AK7: variants seen among roughly 807,000 people sequenced by gnomAD.
AK7 encodes the protein ATP-AMP transphosphorylase 7.
AK7 carries 78 observed loss-of-function variants against 96.6 expected under a neutral mutation model. The ratio of observed to expected loss-of-function variants is 0.81; its 90% CI spans 0.67 to 0.97. The LOEUF (loss-of-function observed/expected upper bound fraction) is 0.97. Among genes scored for constraint, AK7 ranks in the 50% least tolerant of loss-of-function variants. The pLI, the probability that AK7 is intolerant of heterozygous loss-of-function variation, is 0.00. For missense variants in AK7, 855 were observed against 887.9 expected (o/e 0.96, Z 0.47); for synonymous variants, 302 against 317.2 (o/e 0.95, Z 0.51).
rs780592470 is a variant in AK7, at chr14:96,398,256, C to G, written c.287C>G (p.Thr96Arg). The G allele has an allele frequency of 2.2e-5, 36 of 1,612,754 alleles. No individual in the cohort carries two copies. Among genetic ancestry groups the G allele is most frequent in the Non-Finnish European group, 2.5e-5 (30 of 1,179,930 alleles). The stretch of plus-strand genomic sequence containing the variant: ...CCGCGGCCTGACTTTGCGGTGGAGA[C>G]GTACTCTGTAAGTCCCGGAGGCTCT... Reference protein sequence around the residue: ...DSPRPDFAVETYSAISREDLL... With the variant: ...DSPRPDFAVERYSAISREDLL... The change falls in exon 2 of 18, where the codon ACG becomes AGG. Residue 96 changes from threonine to arginine, a missense_variant. Thr to Arg is a moderately conservative substitution (Grantham distance 71). Transcript: ENST00000267584.
intron 5 of AK7, among the ~76,000 whole-genome samples, chr14:96,428,231 G>A (rs1892143253): frequency 6.6e-6 from 1 of 150,914 alleles, no homozygotes; most frequent in Non-Finnish European, 1.5e-5. Context: ...TTCTGTCCTT[G>A]CAATAGTTTG....
chr14:96,438,902 G>A (rs1009354332), intron 6 of AK7, among the ~76,000 whole-genome samples: 1 of 152,140 alleles, frequency 6.6e-6, no homozygotes, highest in African/African-American at 2.4e-5. Flanking sequence ...GAGAGTCAAT[G>A]GGATTTGTTC....
intron 5 of AK7, among the ~76,000 whole-genome samples, chr14:96,437,292 C>T (rs1278805664): frequency 6.6e-6 from 1 of 152,122 alleles, no homozygotes. Flanking sequence ...TTTCACATTG[C>T]ATGCCTGTAT....
intron 1 of AK7, among the ~76,000 whole-genome samples, chr14:96,394,652 G>A (rs199586211): frequency 2.0e-5 from 3 of 152,142 alleles, no homozygotes; most frequent in South Asian, 2.1e-4. Context: ...CTTGAACAAC[G>A]CAGGGGTTAG....
Position 96,458,177 on chromosome 14 carries a change from T to A in AK7, c.1322T>A (p.Leu441Gln). ...AATGTGGAAGATGCACAGGAGCTCCTAGATGGCATCAAGGAGAGCATGGAG... is the reference window on the plus strand; with the variant it reads ...AATGTGGAAGATGCACAGGAGCTCCAAGATGGCATCAAGGAGAGCATGGAG... The part of the protein sequence containing the change: ...EENVEDAQEL[L>Q]DGIKESMEQN... Residue 441 changes from leucine (L) to glutamine (Q), a missense_variant, in exon 12 of 18, where the codon CTA (leucine) becomes CAA (glutamine). Transcript: ENST00000267584. 1 of 1,613,932 alleles carries A rather than the reference T, an allele frequency of 6.2e-7. No homozygotes were observed. The highest frequency in any genetic ancestry group is 8.5e-7 in the Non-Finnish European group (1 of 1,179,930).
At chr14:96,470,592 G>A (rs1401893674) in intron 12 of AK7, among the ~76,000 whole-genome samples, 1 of 152,108 alleles carries the variant, frequency 6.6e-6, no homozygotes, top group Non-Finnish European at 1.5e-5. Context: ...CAGGGCTTGA[G>A]AGGGAACTGT....
chr14:96,475,542 C>T (rs1021828467), intron 14 of AK7, among the ~76,000 whole-genome samples: 1 of 152,140 alleles, frequency 6.6e-6, no homozygotes, highest in African/African-American at 2.4e-5. Context: ...TACTGGCTTG[C>T]TGTGTGAGAT....
At chr14:96,410,115 T>C (rs1360523472) in intron 4 of AK7, among the ~76,000 whole-genome samples, 2 of 152,222 alleles carry the variant, frequency 1.3e-5, no homozygotes, top group African/African-American at 2.4e-5. Flanking sequence ...ATCACACTTA[T>C]TGCATCAAAT....
chr14:96,464,544 CAAAAAAAA>C (rs375649324), intron 12 of AK7, among the ~76,000 whole-genome samples: 5 of 57,662 alleles, frequency 8.7e-5, no homozygotes, highest in African/African-American at 2.3e-4. Context: ...GACCCTGTCC[CAAAAAAAA>C]AAAAAAAAAA....
chr14:96,473,230 G>A (rs1309139555), intron 14 of AK7, among the ~76,000 whole-genome samples: 2 of 148,222 alleles, frequency 1.3e-5, no homozygotes, highest in Non-Finnish European at 3.0e-5. Context: ...GAGTGCAGTG[G>A]CGCGATCTCA....
At chr14:96,407,684 C>G (rs942439802) in intron 3 of AK7, among the ~76,000 whole-genome samples, 2 of 151,316 alleles carry the variant, frequency 1.3e-5, no homozygotes, top group Non-Finnish European at 2.9e-5. Flanking sequence ...CGGGTACACG[C>G]CATTCTCCTG....
chr14:96,471,363 G>C, intron 12 of AK7, 115 bp from the exon 13 acceptor site: 1 of 475,088 alleles, frequency 2.1e-6, no homozygotes, highest in Non-Finnish European at 3.3e-6. Flanking sequence ...AAGCAAAATA[G>C]GGATTTCCAA....
chr14:96,422,374 G>A (rs535879762), intron 5 of AK7, among the ~76,000 whole-genome samples: 1 of 152,160 alleles, frequency 6.6e-6, no homozygotes, highest in African/African-American at 2.4e-5. Context: ...CCATAGATAG[G>A]AGACATGAAG....
chr14:96,452,429 T>C (rs1314939539), intron 10 of AK7, among the ~76,000 whole-genome samples: 2 of 151,728 alleles, frequency 1.3e-5, no homozygotes. Flanking sequence ...TTCAAGTGAT[T>C]CTCGTGCCTC....
chr14:96,443,739 T>C (rs960588759), intron 7 of AK7, among the ~76,000 whole-genome samples: 5 of 151,580 alleles, frequency 3.3e-5, no homozygotes, highest in Non-Finnish European at 5.9e-5. Flanking sequence ...ACACTAACGA[T>C]AGCTGATGAG....
chr14:96,456,554 G>T, intron 11 of AK7, 79 bp downstream of exon 11: 5 of 1,505,438 alleles, frequency 3.3e-6, no homozygotes, highest in Non-Finnish European at 2.7e-6. Context: ...TATATGATTC[G>T]AATTAGCCAG....
intron 4 of AK7, among the ~76,000 whole-genome samples, chr14:96,417,944 A>G (rs1016116347): frequency 6.6e-6 from 1 of 152,214 alleles, no homozygotes; most frequent in Admixed American, 6.5e-5. Flanking sequence ...TATACCCCAA[A>G]TATATGCACT....
At chr14:96,444,821 G>T (rs936491410) in intron 7 of AK7, among the ~76,000 whole-genome samples, 9 of 151,832 alleles carry the variant, frequency 5.9e-5, no homozygotes, top group African/African-American at 1.9e-4. Context: ...GGGTTCAAGC[G>T]ATTCTCCTGC....
intron 4 of AK7, among the ~76,000 whole-genome samples, chr14:96,418,927 T>C (rs948658001): frequency 1.3e-5 from 2 of 152,248 alleles, no homozygotes; most frequent in Non-Finnish European, 2.9e-5. Context: ...GTATTGTGAT[T>C]GAAAGGTTCC....
Sources: allele counts gnomAD v4.1 joint callset (sites outside exome capture counted in the v4.1 genomes callset), GRCh38; gene constraint gnomAD v4.1.1; transcripts MANE v1.5; gene names NCBI Gene and HGNC (gene_info 2026-07-23, HGNC 2026-07-21).